SYNJ2: variants seen among roughly 807,000 people sequenced by gnomAD.
The protein encoded by SYNJ2 is synaptojanin 2, also known as polyphosphatidylinositol phosphatase SYNJ2.
A neutral mutation model predicts 141.3 loss-of-function variants in SYNJ2; 116 were observed. That is an observed-to-expected ratio of 0.82 (90% CI 0.71 to 0.96). The LOEUF (loss-of-function observed/expected upper bound fraction) is 0.96, where lower values mean the gene tolerates loss of function less well. SYNJ2 is among the 40% of genes least tolerant of loss of function. The pLI, the probability that SYNJ2 is intolerant of heterozygous loss-of-function variation, is 0.00. For missense variants in SYNJ2, 1,873 were observed against 1,934.8 expected (o/e 0.97, Z 0.60); for synonymous variants, 745 against 777.7 (o/e 0.96, Z 0.70).
At position 158,040,735 on chromosome 6, in the gene SYNJ2, C is replaced by T. The variant is rs1008776757; in HGVS notation, c.712-2581C>T. Among the ~76,000 whole-genome samples the T allele has an allele frequency of 6.6e-6, 1 of 152,168 alleles. No homozygotes were observed. Among genetic ancestry groups the T allele is most frequent in the African/African-American group, 2.4e-5 (1 of 41,422 alleles). On this transcript the variant is annotated intron_variant, in intron 4 of 26. Coordinates refer to ENST00000355585, the MANE Select transcript of SYNJ2 (RefSeq NM_003898.4). This position sits in a 1 kb window ranked among gnomAD's most constrained non-coding sequence, Gnocchi z 4.2. ...ATATGTACCCCTGTGAGTTTTCCTG[C>T]CTCGTCGCTCTCTTTTTATGGCCAT... is the stretch of plus-strand genomic sequence containing the variant.
intron 1 of SYNJ2, among the ~76,000 whole-genome samples, chr6:157,993,797 G>GTTTTTTTTTTTTTTTTTTTTTT: frequency 2.1e-5 from 1 of 47,944 alleles, no homozygotes; most frequent in Non-Finnish European, 3.7e-5. Flanking sequence ...AAATGTGTGG[G>GTTTTTTTTTTTTTTTTTTTTTT]TTTTTTTTTT....
At chr6:158,012,068 G>A (rs1778288554) in intron 1 of SYNJ2, among the ~76,000 whole-genome samples, 1 of 152,186 alleles carries the variant, frequency 6.6e-6, no homozygotes, top group South Asian at 2.1e-4. Context: ...TGCCTGTGAA[G>A]TTGGGGTTTC....
chr6:158,002,150 TC>T (rs1363952838), intron 1 of SYNJ2: 1 of 152,276 alleles, frequency 6.6e-6, no homozygotes, highest in Admixed American at 6.5e-5. Flanking sequence ...TCATATTGCT[TC>T]CTCACTGCCT....
intron 1 of SYNJ2, 161 bp from the exon 2 acceptor site, chr6:158,017,043 G>A (rs1305459700): frequency 6.7e-6 from 9 of 1,335,666 alleles, no homozygotes; most frequent in South Asian, 4.1e-5. Flanking sequence ...TGTGATTCGC[G>A]AATCATAAAA....
At chr6:158,074,246 A>C (rs1782125960) in intron 15 of SYNJ2, among the ~76,000 whole-genome samples, 1 of 152,152 alleles carries the variant, frequency 6.6e-6, no homozygotes, top group African/African-American at 2.4e-5. Context: ...GCTTCCTAGG[A>C]GTAGACACTC....
In SYNJ2 at chr6:158,068,638, G is replaced by C. The variant is rs756149394; in HGVS notation, c.1718-9G>C. 448 of 1,614,056 alleles carry C rather than the reference G, an allele frequency of 2.8e-4. No individual in the cohort carries two copies. The highest frequency in any genetic ancestry group is 3.7e-4 in the Non-Finnish European group (434 of 1,179,996). On this transcript the variant is annotated splice_polypyrimidine_tract_variant and intron_variant, in intron 12 of 26. Coordinates refer to ENST00000355585, the MANE Select transcript of SYNJ2 (RefSeq NM_003898.4). ...TCTGACTTCTGTCATCTCTTGCCTT[G>C]CTCCCCAGATGACAGCAGCCCAGCT...
At chr6:158,086,602 G>T (rs1306856708) in intron 22 of SYNJ2, among the ~76,000 whole-genome samples, 1 of 152,190 alleles carries the variant, frequency 6.6e-6, no homozygotes, top group Non-Finnish European at 1.5e-5. Flanking sequence ...AACACACTTT[G>T]AAATAGCTCA....
At chr6:158,050,534 T>C (rs944152532) in intron 5 of SYNJ2, among the ~76,000 whole-genome samples, 1 of 152,232 alleles carries the variant, frequency 6.6e-6, no homozygotes, top group African/African-American at 2.4e-5. Flanking sequence ...CCTGTGACAG[T>C]TGGGCCCAGC....
intron 2 of SYNJ2, among the ~76,000 whole-genome samples, chr6:158,025,002 G>A (rs1022725254): frequency 1.3e-5 from 2 of 152,236 alleles, no homozygotes; most frequent in South Asian, 4.1e-4. Flanking sequence ...AAATGGGCAG[G>A]GAACGCTGTC....
intron 1 of SYNJ2, among the ~76,000 whole-genome samples, chr6:157,991,614 TAAAAG>T (rs1301041252): frequency 2.0e-5 from 3 of 152,258 alleles, no homozygotes; most frequent in African/African-American, 7.2e-5. Context: ...CCATGCGTCT[TAAAAG>T]AAAAAAGTTT....
chr6:158,076,797 C>T lies in SYNJ2; in HGVS notation c.2449+15C>T. ...TGATAAAACAGGTGAGGGGGCCGTG[C>T]CCGTTCGAGAGTCGGCAGAGGGTGA... On this transcript the variant is annotated intron_variant, in intron 17 of 26. Coordinates refer to ENST00000355585, the MANE Select transcript of SYNJ2 (RefSeq NM_003898.4). 1 of 1,599,136 alleles carries T rather than the reference C, an allele frequency of 6.3e-7. No individual in the cohort carries two copies. The highest frequency in any genetic ancestry group is 8.5e-7 in the Non-Finnish European group (1 of 1,170,808).
At chr6:158,021,515 C>T (rs1333150756) in intron 2 of SYNJ2, among the ~76,000 whole-genome samples, 1 of 152,188 alleles carries the variant, frequency 6.6e-6, no homozygotes, top group Non-Finnish European at 1.5e-5. Context: ...CACTGAGAAG[C>T]TCTGCTGTCT....
In SYNJ2 at chr6:158,084,322, A is replaced by G; in HGVS notation, c.3208+148A>G. 2.4e-6 allele frequency: 2 copies of G among 850,354 alleles called. No homozygotes were observed. The highest frequency in any genetic ancestry group is 5.5e-5 in the Admixed American group (2 of 36,496). 52.7% of individuals were successfully genotyped at this position (850,354 alleles called of 1,614,324 possible). On this transcript the variant is annotated intron_variant, in intron 22 of 26. Transcript: ENST00000355585. The surrounding 1 kb of genome is among the most constrained non-coding windows in gnomAD (Gnocchi z 5.0). ...CAACCAGGCAGGCCAAGCGAGGGGT[A>G]GGGACTGAGCCCTGTGGAGGTAGCC...
Position 158,097,460 on chromosome 6 carries a change from AT to A in SYNJ2, c.*1101del, listed in dbSNP as rs1431060926. On this transcript the variant is annotated 3_prime_UTR_variant, in exon 27 of 27. Coordinates refer to ENST00000355585, the MANE Select transcript of SYNJ2 (RefSeq NM_003898.4). The stretch of plus-strand genomic sequence containing the variant: ...AAAAGACATTACCATAGTGCTTTAC[AT>A]TTTTAAAGTAATGTTACAAGGTCTG... The A allele has an allele frequency of 6.6e-6, 1 of 152,210 alleles. No individual in the cohort carries two copies. The highest frequency in any genetic ancestry group is 1.5e-5 in the Non-Finnish European group (1 of 68,030). The allele number at this position is 152,210 out of a possible 1,614,324, so 9.4% of individuals were successfully genotyped here. A position where few individuals can be genotyped will look rare whatever the true frequency, so the allele number is the denominator to read the frequency against.
intron 1 of SYNJ2, among the ~76,000 whole-genome samples, chr6:158,006,433 C>A (rs1778073398): frequency 6.6e-6 from 1 of 152,152 alleles, no homozygotes; most frequent in South Asian, 2.1e-4. Flanking sequence ...GATGCAGAAG[C>A]AGCCTCTGAC....
At chr6:157,993,331 T>C (rs565828039) in intron 1 of SYNJ2, among the ~76,000 whole-genome samples, 1 of 152,368 alleles carries the variant, frequency 6.6e-6, no homozygotes, top group African/African-American at 2.4e-5. Context: ...GTATTTCTTC[T>C]TTTGAGAAAT....
chr6:158,074,854 A>C lies in SYNJ2; in HGVS notation c.2292+116A>C. On this transcript the variant is annotated intron_variant, in intron 16 of 26. Coordinates refer to ENST00000355585, the MANE Select transcript of SYNJ2 (RefSeq NM_003898.4). ...CCGTGAGTGGATTTCACTGTTTCCA[A>C]CATTGTAGAAAATAGGTGGGCTTGT... The C allele has an allele frequency of 5.5e-6, 7 of 1,269,018 alleles. No homozygotes were observed. In the South Asian group the frequency reaches 9.4e-5, roughly 17 times the overall value. 78.6% of individuals were successfully genotyped at this position (1,269,018 alleles called of 1,614,324 possible).
At position 158,063,884 on chromosome 6, in the gene SYNJ2, C is replaced by T; in HGVS notation, c.1209+12C>T. 6.2e-7 allele frequency: 1 copy of T among 1,613,150 alleles called. No individual in the cohort carries two copies. The highest frequency in any genetic ancestry group is 1.3e-5 in the African/African-American group (1 of 75,030). On this transcript the variant is annotated intron_variant, in intron 9 of 26. Coordinates refer to ENST00000355585, the MANE Select transcript of SYNJ2 (RefSeq NM_003898.4). The stretch of plus-strand genomic sequence containing the variant: ...TCATCGCGCTCGAGGTGCGTCCCTG[C>T]CACAGCCTTTTCGGCCATCTGTGCC...
chr6:158,075,210 G>A (rs1426682883), intron 16 of SYNJ2, among the ~76,000 whole-genome samples: 1 of 152,012 alleles, frequency 6.6e-6, no homozygotes, highest in East Asian at 1.9e-4. Flanking sequence ...GGGATTACAG[G>A]CATGAGCCAC....
Sources: allele counts gnomAD v4.1 joint callset (sites outside exome capture counted in the v4.1 genomes callset), GRCh38; gene constraint gnomAD v4.1.1; non-coding constraint Gnocchi (gnomAD v3.1); transcripts MANE v1.5; gene names NCBI Gene and HGNC (gene_info 2026-07-23, HGNC 2026-07-21).